Variants in PTPA observed in about 807,000 individuals in gnomAD.
PTPA encodes the protein protein phosphatase 2 phosphatase activator.
A neutral mutation model predicts 43.6 loss-of-function variants in PTPA; 13 were observed. The observed-to-expected ratio is 0.30, with a 90% CI of 0.19 to 0.47. PTPA has a LOEUF of 0.47. PTPA is among the 20% of genes least tolerant of loss of function. The pLI is 0.99. For missense variants in PTPA, 329 were observed against 411.9 expected, an observed-to-expected ratio of 0.80 and a Z score of 1.74; for synonymous variants, 172 against 158.2, an observed-to-expected ratio of 1.09 and a Z score of -0.66.
At chr9:129,142,974 G>A in intron 9 of PTPA, 1 of 1,362,180 alleles carries the variant, frequency 7.3e-7, no homozygotes, top group Non-Finnish European at 9.7e-7. Context: ...GCCTTCAAAT[G>A]TTAGTGTGTA....
intron 1 of PTPA, among the ~76,000 whole-genome samples, chr9:129,116,954 A>G (rs1234514922): frequency 3.9e-5 from 6 of 152,180 alleles, no homozygotes; most frequent in Non-Finnish European, 7.3e-5. Context: ...AGTGTTAGCC[A>G]CTGTGCCTGG....
chr9:129,131,015 T>G (rs1306202966), intron 4 of PTPA, among the ~76,000 whole-genome samples: 1 of 152,270 alleles, frequency 6.6e-6, no homozygotes, highest in East Asian at 1.9e-4. Context: ...CTGTGTAGTA[T>G]TCTATTGTAT....
chr9:129,129,283 ATCT>A (rs1261911125), intron 4 of PTPA, among the ~76,000 whole-genome samples, 173 bp downstream of exon 4: 3 of 152,138 alleles, frequency 2.0e-5, no homozygotes, highest in African/African-American at 7.2e-5. Context: ...CTGCTTGGTC[ATCT>A]TCTGGGAAAC....
chr9:129,146,977 T>C (rs1851345962), intron 9 of PTPA, among the ~76,000 whole-genome samples: 1 of 152,224 alleles, frequency 6.6e-6, no homozygotes, highest in South Asian at 2.1e-4. Flanking sequence ...GAAAACAGGC[T>C]TTGGGACCCG....
intron 1 of PTPA, among the ~76,000 whole-genome samples, chr9:129,114,077 A>C (rs1205677866): frequency 6.6e-6 from 1 of 152,028 alleles, no homozygotes; most frequent in African/African-American, 2.4e-5. Context: ...CTCCCAGGCC[A>C]GGGTGCAGTG....
intron 5 of PTPA, among the ~76,000 whole-genome samples, 154 bp downstream of exon 5, chr9:129,131,793 TC>T (rs1469894863): frequency 6.6e-6 from 1 of 152,172 alleles, no homozygotes; most frequent in Non-Finnish European, 1.5e-5. Context: ...TAGGGTGGCT[TC>T]ACCGGCAGGG....
In PTPA at chr9:129,135,170, G is replaced by A. The variant is rs556144161; in HGVS notation, c.560+276G>A. On this transcript the variant is annotated intron_variant, in intron 6 of 9. Transcript: ENST00000393370. ...AGGACTTTGGGAGGCCCAGGCAGGC[G>A]GATCACGAGGTCAGGTGTTCGACAC... Among the ~76,000 whole-genome samples the A allele has an allele frequency of 1.3e-4, 20 of 152,290 alleles. No homozygotes were observed. In the South Asian group the frequency reaches 3.5e-3, roughly 27 times the overall value.
At chr9:129,127,889 T>G (rs1849682857) in intron 3 of PTPA, 2 of 1,009,194 alleles carry the variant, frequency 2.0e-6, no homozygotes, top group Non-Finnish European at 2.8e-6. Flanking sequence ...AGGAATTAAA[T>G]TAATTATAAT....
At chr9:129,134,327 G>C (rs1368192474) in intron 5 of PTPA, among the ~76,000 whole-genome samples, 3 of 47,260 alleles carry the variant, frequency 6.3e-5, no homozygotes, top group Non-Finnish European at 1.2e-4. Flanking sequence ...TTTTTTTTGA[G>C]ACAGTCTCAC....
chr9:129,131,758 G>T (rs1239116349), intron 5 of PTPA, 119 bp downstream of exon 5: 8 of 1,009,528 alleles, frequency 7.9e-6, no homozygotes, highest in Non-Finnish European at 1.2e-5. Context: ...CCAAGCACCT[G>T]CAACCTATTG....
intron 7 of PTPA, 81 bp from the exon 8 acceptor site, chr9:129,137,511 G>T: frequency 8.8e-7 from 1 of 1,137,386 alleles, no homozygotes; most frequent in Admixed American, 2.1e-5. Context: ...GAGGCCCCTG[G>T]GGGGGTGTGA....
At chr9:129,136,672 G>C in intron 7 of PTPA, 77 bp downstream of exon 7, 1 of 1,458,022 alleles carries the variant, frequency 6.9e-7, no homozygotes, top group Non-Finnish European at 9.2e-7. Context: ...CCCCTCCTGC[G>C]CTCCCTCCTT....
At chr9:129,112,080 T>C (rs1182695189) in intron 1 of PTPA, 4 of 163,740 alleles carry the variant, frequency 2.4e-5, no homozygotes, top group Non-Finnish European at 5.3e-5. Context: ...CCGCCTCGCC[T>C]CCAGTTTCGG....
intron 2 of PTPA, 29 bp downstream of exon 2, chr9:129,120,639 T>C: frequency 3.2e-6 from 5 of 1,584,988 alleles, no homozygotes; most frequent in Non-Finnish European, 4.3e-6. Context: ...GTGAGAAACT[T>C]GGGCTTTTCA....
intron 2 of PTPA, 151 bp from the exon 3 acceptor site, chr9:129,122,901 G>A (rs1849340558): frequency 1.1e-5 from 7 of 629,820 alleles, no homozygotes; most frequent in South Asian, 3.5e-5. Context: ...TTGGCATTAC[G>A]TTTCTGCTTC....
intron 1 of PTPA, chr9:129,111,919 G>C (rs998204511): frequency 6.4e-6 from 4 of 626,106 alleles, no homozygotes; most frequent in Non-Finnish European, 9.1e-6. Flanking sequence ...TGGTCATAAG[G>C]GGGCCTTTTG....
chr9:129,142,438 T>C lies in PTPA; in HGVS notation c.787-7T>C, dbSNP rs1417166635. On this transcript the variant is annotated splice_region_variant and splice_polypyrimidine_tract_variant and intron_variant, in intron 8 of 9. Transcript: ENST00000393370. Reference sequence around the variant, plus strand: ...TGTCTCTTCAGCTTGTGGCTTCTCTTTTTCAGATGAAGACTGGCCCATTTG... The same window carrying C: ...TGTCTCTTCAGCTTGTGGCTTCTCTCTTTCAGATGAAGACTGGCCCATTTG... The C allele has an allele frequency of 5.1e-6, 8 of 1,561,422 alleles. No individual in the cohort carries two copies. The highest frequency in any genetic ancestry group is 7.0e-6 in the Non-Finnish European group (8 of 1,150,370).
intron 1 of PTPA, among the ~76,000 whole-genome samples, chr9:129,118,863 C>T (rs1588488445): frequency 1.3e-5 from 2 of 150,652 alleles, no homozygotes; most frequent in South Asian, 4.2e-4. Context: ...TCCGTGAGCA[C>T]ATCTGAAAGA....
intron 8 of PTPA, 101 bp from the exon 9 acceptor site, chr9:129,142,338 TTGTGTG>T (rs57365080): frequency 5.2e-5 from 41 of 794,702 alleles, no homozygotes; most frequent in Non-Finnish European, 7.2e-5. Context: ...GCGTGTGCGT[TTGTGTG>T]TGTGTGTGTG....
Sources: gnomAD v4.1 joint callset for allele counts (sites outside exome capture counted in the v4.1 genomes callset) on GRCh38, gnomAD v4.1.1 for gene constraint, MANE v1.5 for transcripts, NCBI Gene and HGNC (gene_info 2026-07-23, HGNC 2026-07-21) for gene names.